RORB: variants seen among roughly 807,000 people sequenced by gnomAD.
RORB encodes the protein nuclear receptor ROR-beta.
A neutral mutation model predicts 59.1 loss-of-function variants in RORB; 6 were observed. The observed-to-expected ratio is 0.10, with a 90% confidence interval of 0.06 to 0.20. The LOEUF (loss-of-function observed/expected upper bound fraction) is 0.20. Ranked by LOEUF, RORB falls within the 10% of genes least tolerant of loss-of-function variation. The probability of loss-of-function intolerance (pLI) is 1.00; values close to 1 mark genes in which losing one functional copy is unlikely to be tolerated. For missense variants in RORB, 320 were observed against 560.5 expected (o/e 0.57, Z 4.33); for synonymous variants, 215 against 204.5 (o/e 1.05, Z -0.44).
At chr9:74,539,704 A>G (rs1451785428) in intron 1 of RORB, among the ~76,000 whole-genome samples, 1 of 152,142 alleles carries the variant, frequency 6.6e-6, no homozygotes, top group South Asian at 2.1e-4. Flanking sequence ...AAAGCTGGAT[A>G]AGGGAATAAA....
intron 9 of RORB, among the ~76,000 whole-genome samples, chr9:74,676,057 G>C (rs1028431126): frequency 3.3e-5 from 5 of 152,350 alleles, no homozygotes; most frequent in Middle Eastern, 3.4e-3. Context: ...CTGGGGCCAA[G>C]TTGTGGCAGT....
chr9:74,650,516 T>C (rs1339332192), intron 4 of RORB, among the ~76,000 whole-genome samples: 2 of 152,242 alleles, frequency 1.3e-5, no homozygotes, highest in Non-Finnish European at 2.9e-5. Context: ...TTTATTTCTG[T>C]GATGTTTGCA....
chr9:74,544,979 G>A (rs1463804585), intron 1 of RORB, among the ~76,000 whole-genome samples: 1 of 152,128 alleles, frequency 6.6e-6, no homozygotes, highest in Non-Finnish European at 1.5e-5. Flanking sequence ...CTAAAATGGG[G>A]ATTAGCAATA....
At chr9:74,578,466 G>T (rs528582714) in intron 1 of RORB, among the ~76,000 whole-genome samples, 1 of 152,032 alleles carries the variant, frequency 6.6e-6, no homozygotes, top group Non-Finnish European at 1.5e-5. Context: ...AAAGACAACC[G>T]TGTAAAAACA....
At chr9:74,552,822 T>C (rs1360847123) in intron 1 of RORB, among the ~76,000 whole-genome samples, 1 of 151,806 alleles carries the variant, frequency 6.6e-6, no homozygotes, top group Non-Finnish European at 1.5e-5. Context: ...AAAATAATAA[T>C]AATAATAATA....
chr9:74,502,027 G>T (rs1825810756), intron 1 of RORB, among the ~76,000 whole-genome samples: 1 of 151,994 alleles, frequency 6.6e-6, no homozygotes, highest in Non-Finnish European at 1.5e-5. Context: ...TATTAAAGTG[G>T]TTTATGTGAT....
chr9:74,684,822 T>C (rs1326309426), intron 9 of RORB, among the ~76,000 whole-genome samples: 2 of 152,176 alleles, frequency 1.3e-5, no homozygotes, highest in Admixed American at 6.5e-5. Flanking sequence ...GTGAGCTTGA[T>C]AGCCAAGCAG....
chr9:74,621,200 T>C (rs1276684247), intron 1 of RORB, among the ~76,000 whole-genome samples: 1 of 152,214 alleles, frequency 6.6e-6, no homozygotes, highest in African/African-American at 2.4e-5. Context: ...TGTGTATCTG[T>C]CATTACAGTA....
In RORB at chr9:74,512,983, G is replaced by A. The variant is rs557935274; in HGVS notation, c.7+15000G>A. 5.3e-4 allele frequency among the ~76,000 whole-genome samples: 81 copies of A among 152,132 alleles called. 2 individuals are homozygous for A. The highest frequency in any genetic ancestry group is 8.2e-4 in the Non-Finnish European group (56 of 68,008). ...TCGATTTTAATGAATGAGCAAAATC[G>A]TCTTTTGCAAGTCAGGTAGTTTCCT... On this transcript the variant is annotated intron_variant, in intron 1 of 9. Transcript: ENST00000376896.
chr9:74,530,587 T>G (rs538130052), intron 1 of RORB, among the ~76,000 whole-genome samples: 1 of 152,168 alleles, frequency 6.6e-6, no homozygotes, highest in African/African-American at 2.4e-5. Context: ...TTGTGGTTTG[T>G]AATTATTCAT....
chr9:74,580,806 T>G (rs1822711550), intron 1 of RORB, among the ~76,000 whole-genome samples: 1 of 152,174 alleles, frequency 6.6e-6, no homozygotes, highest in Non-Finnish European at 1.5e-5. Flanking sequence ...TGAAATAAAC[T>G]GTGCCTCAGT....
intron 9 of RORB, among the ~76,000 whole-genome samples, chr9:74,682,071 A>T (rs1350316293): frequency 6.6e-6 from 1 of 152,068 alleles, no homozygotes; most frequent in Non-Finnish European, 1.5e-5. Flanking sequence ...TGAAAGGAAG[A>T]GAGATATCTC....
At chr9:74,642,097 A>T (rs148116982) in intron 3 of RORB, among the ~76,000 whole-genome samples, 1 of 152,088 alleles carries the variant, frequency 6.6e-6, no homozygotes, top group East Asian at 1.9e-4. Context: ...GGTTTTTTGC[A>T]TTTTTTTCCA....
chr9:74,668,091 G>A (rs994699480), intron 8 of RORB, among the ~76,000 whole-genome samples, 190 bp downstream of exon 8: 1 of 152,122 alleles, frequency 6.6e-6, no homozygotes, highest in African/African-American at 2.4e-5. Flanking sequence ...ACCAATTTTG[G>A]CCCGAAAGCA....
At chr9:74,624,213 C>A (rs948377564) in intron 1 of RORB, among the ~76,000 whole-genome samples, 1 of 152,034 alleles carries the variant, frequency 6.6e-6, no homozygotes, top group African/African-American at 2.4e-5. Context: ...CCAAATGTAT[C>A]TTTAAGTTAT....
intron 1 of RORB, among the ~76,000 whole-genome samples, chr9:74,603,390 A>T (rs1823099116): frequency 6.6e-6 from 1 of 152,168 alleles, no homozygotes; most frequent in African/African-American, 2.4e-5. Context: ...CAGTTTGATA[A>T]ATGGGGAAAG....
At chr9:74,622,304 T>C (rs1823434828) in intron 1 of RORB, among the ~76,000 whole-genome samples, 1 of 152,122 alleles carries the variant, frequency 6.6e-6, no homozygotes, top group Non-Finnish European at 1.5e-5. Context: ...AATAATTCTG[T>C]TTCTTCTTTT....
intron 1 of RORB, among the ~76,000 whole-genome samples, chr9:74,629,470 C>T (rs577925016): frequency 6.6e-6 from 1 of 152,080 alleles, no homozygotes; most frequent in East Asian, 2.0e-4. Context: ...AATCCACAAT[C>T]ATCCCAGGCC....
chr9:74,613,353 T>C (rs1823262398), intron 1 of RORB, among the ~76,000 whole-genome samples: 1 of 152,148 alleles, frequency 6.6e-6, no homozygotes, highest in African/African-American at 2.4e-5. Context: ...TTGCTAAAGT[T>C]TTTACCAAAT....
Sources: allele counts gnomAD v4.1 joint callset (sites outside exome capture counted in the v4.1 genomes callset), GRCh38; gene constraint gnomAD v4.1.1; transcripts MANE v1.5; gene names NCBI Gene and HGNC (gene_info 2026-07-23, HGNC 2026-07-21).